The following DCDC2C variants were observed in gnomAD, a reference collection of about 807,000 sequenced individuals.
DCDC2C encodes the protein doublecortin domain containing 2C.
A neutral mutation model predicts 45.0 loss-of-function variants in DCDC2C; 44 were observed. The ratio of observed to expected loss-of-function variants is 0.98; its 90% CI spans 0.77 to 1.26. DCDC2C has a LOEUF of 1.26. Among genes scored for constraint, DCDC2C ranks in the 50% most tolerant of loss-of-function variants. The probability of loss-of-function intolerance (pLI) is 0.00; values close to 1 mark genes in which losing one functional copy is unlikely to be tolerated. For synonymous variants in DCDC2C, 187 were observed against 178.8 expected (o/e 1.05, Z -0.37); for missense variants, 447 against 468.9 (o/e 0.95, Z 0.43).
intron 2 of DCDC2C, among the ~76,000 whole-genome samples, chr2:3,714,880 A>G (rs1388108724): frequency 1.3e-5 from 2 of 152,138 alleles, no homozygotes; most frequent in Non-Finnish European, 2.9e-5. Context: ...TTTGCTGTTG[A>G]CCTGTCAGGA....
chr2:3,728,203 C>T (rs532497948), intron 3 of DCDC2C, among the ~76,000 whole-genome samples: 10 of 152,238 alleles, frequency 6.6e-5, no homozygotes, highest in Admixed American at 1.3e-4. Context: ...AGGCTGGGAA[C>T]GAGAAAGAGG....
At chr2:3,781,174 A>G (rs1320372807) in intron 9 of DCDC2C, among the ~76,000 whole-genome samples, 1 of 152,246 alleles carries the variant, frequency 6.6e-6, no homozygotes, top group Non-Finnish European at 1.5e-5. Flanking sequence ...TATGCATTAT[A>G]CTAGCTGTAA....
At chr2:3,762,639 C>G (rs919628525) in intron 6 of DCDC2C, among the ~76,000 whole-genome samples, 1 of 152,192 alleles carries the variant, frequency 6.6e-6, no homozygotes, top group Non-Finnish European at 1.5e-5. Context: ...CTCGTGAGAA[C>G]TCACTCACTG....
intron 3 of DCDC2C, among the ~76,000 whole-genome samples, chr2:3,727,807 A>G (rs1396723936): frequency 6.6e-6 from 1 of 152,152 alleles, no homozygotes; most frequent in Non-Finnish European, 1.5e-5. Context: ...GAGGCTGAGG[A>G]TGTCTCCCAT....
chr2:3,816,090 G>A (rs1306630203), intron 10 of DCDC2C, among the ~76,000 whole-genome samples: 1 of 152,194 alleles, frequency 6.6e-6, no homozygotes, highest in Non-Finnish European at 1.5e-5. Flanking sequence ...TAGAGTGGGA[G>A]AGATTAAGCT....
At chr2:3,826,695 C>A (rs1671825545) in intron 10 of DCDC2C, among the ~76,000 whole-genome samples, 1 of 152,050 alleles carries the variant, frequency 6.6e-6, no homozygotes, top group Non-Finnish European at 1.5e-5. Flanking sequence ...CCCAACAGCT[C>A]CTTCCACAGC....
intron 4 of DCDC2C, among the ~76,000 whole-genome samples, chr2:3,750,995 G>A (rs775413504): frequency 1.3e-5 from 2 of 152,040 alleles, no homozygotes; most frequent in Non-Finnish European, 2.9e-5. Context: ...TCCATTCTAC[G>A]ACTCACCCCT....
chr2:3,827,504 C>T (rs1671855401), intron 10 of DCDC2C, among the ~76,000 whole-genome samples: 1 of 152,088 alleles, frequency 6.6e-6, no homozygotes, highest in Admixed American at 6.6e-5. Context: ...ACTTGGGACC[C>T]ATCATACATT....
At chr2:3,826,837 A>G (rs895564021) in intron 10 of DCDC2C, among the ~76,000 whole-genome samples, 1 of 152,142 alleles carries the variant, frequency 6.6e-6, no homozygotes, top group African/African-American at 2.4e-5. Flanking sequence ...ATTACCTGAT[A>G]GTAAGGATTA....
At chr2:3,790,348 A>T (rs758210872) in intron 10 of DCDC2C, among the ~76,000 whole-genome samples, 1 of 152,252 alleles carries the variant, frequency 6.6e-6, no homozygotes, top group Non-Finnish European at 1.5e-5. Flanking sequence ...TGCTTAAGAC[A>T]TGCTAAGCTC....
intron 10 of DCDC2C, among the ~76,000 whole-genome samples, chr2:3,792,771 T>C (rs984758799): frequency 2.0e-5 from 3 of 152,240 alleles, no homozygotes; most frequent in African/African-American, 7.2e-5. Context: ...AGCCATATTT[T>C]GGAGAAAAAT....
At chr2:3,847,114 G>A in intron 10 of DCDC2C, 40 bp from the exon 11 acceptor site, 1 of 1,207,980 alleles carries the variant, frequency 8.3e-7, no homozygotes. Context: ...ATCACAGCTT[G>A]AAGATGTTCT....
chr2:3,703,850 C>T lies in DCDC2C; in HGVS notation c.99C>T (p.Phe33=). ...NGDPFYVGKK[F]VLSRRRAATF... ...ACCCGTTCTACGTGGGCAAGAAGTT[C>T]GTGCTGTCGCGGCGCCGCGCGGCCA... The change falls in exon 1 of 11, where the codon TTC becomes TTT. Residue 33 remains phenylalanine (F), a synonymous_variant. Transcript: ENST00000399143. The surrounding 1 kb of genome is among the most constrained non-coding windows in gnomAD (Gnocchi z 4.4). 1 of 1,282,008 alleles carries T rather than the reference C, an allele frequency of 7.8e-7. No homozygotes were observed. The highest frequency in any genetic ancestry group is 2.6e-5 in the South Asian group (1 of 37,792). The allele number at this position is 1,282,008 out of a possible 1,614,324, so 79.4% of individuals were successfully genotyped here.
At chr2:3,767,998 A>T in intron 7 of DCDC2C, 118 bp downstream of exon 7, 1 of 1,130,680 alleles carries the variant, frequency 8.8e-7, no homozygotes, top group East Asian at 3.0e-5. Flanking sequence ...ACTTGTAACT[A>T]TCTGCTTTAT....
At chr2:3,730,732 G>A (rs1422922646) in intron 3 of DCDC2C, among the ~76,000 whole-genome samples, 1 of 152,150 alleles carries the variant, frequency 6.6e-6, no homozygotes, top group Non-Finnish European at 1.5e-5. Flanking sequence ...CTTGCGCCTG[G>A]GTCGTGACTG....
intron 10 of DCDC2C, chr2:3,788,525 A>G (rs1311675842): frequency 6.6e-6 from 1 of 152,080 alleles, no homozygotes; most frequent in Non-Finnish European, 1.5e-5. Flanking sequence ...TTTCCCCCCA[A>G]AGGCTTCAGA....
intron 10 of DCDC2C, among the ~76,000 whole-genome samples, chr2:3,836,927 T>C (rs926813922): frequency 6.6e-6 from 1 of 151,932 alleles, no homozygotes; most frequent in Non-Finnish European, 1.5e-5. Flanking sequence ...TGTAATACTG[T>C]ACTATCTTAT....
At chr2:3,745,876 AT>A (rs200784470) in intron 4 of DCDC2C, among the ~76,000 whole-genome samples, 12,137 of 141,900 alleles carry the variant, frequency 0.086, 499 homozygotes, top group East Asian at 0.14. Flanking sequence ...CTCATGACTA[AT>A]TTTTTTTTTT....
intron 10 of DCDC2C, among the ~76,000 whole-genome samples, chr2:3,842,376 A>G (rs1228032193): frequency 6.6e-6 from 1 of 151,822 alleles, no homozygotes; most frequent in African/African-American, 2.4e-5. Context: ...TATAAAGGAG[A>G]GGACTGCGAA....
Sources: gnomAD v4.1 joint callset for allele counts (sites outside exome capture counted in the v4.1 genomes callset) on GRCh38, gnomAD v4.1.1 for gene constraint, Gnocchi (gnomAD v3.1) non-coding constraint, MANE v1.5 for transcripts, NCBI Gene and HGNC (gene_info 2026-07-23, HGNC 2026-07-21) for gene names.